Variants in ATP4A observed in about 807,000 individuals in gnomAD.
ATP4A encodes ATPase H+/K+ transporting subunit alpha, also known as potassium-transporting ATPase alpha chain 1.
A neutral mutation model predicts 112.1 loss-of-function variants in ATP4A; 73 were observed. That is an observed-to-expected ratio of 0.65 (90% CI 0.54 to 0.79). The LOEUF (loss-of-function observed/expected upper bound fraction) is 0.79. Ranked by LOEUF, ATP4A falls within the 30% of genes least tolerant of loss-of-function variation. The pLI is 0.00. For missense variants in ATP4A, 1,081 were observed against 1,425.9 expected, an observed-to-expected ratio of 0.76 and a Z score of 3.90; for synonymous variants, 588 against 588.9, an observed-to-expected ratio of 1.00 and a Z score of 0.02.
At position 35,550,698 on chromosome 19, in the gene ATP4A, G is replaced by A. The variant is rs2071596318; in HGVS notation, c.3080-55C>T. ...GTGCTGGGGGTGCCACTTAGGCAGGGCCAGGGGCTCAGAGGTCAGTGCTGG... is the reference window on the plus strand; with the variant it reads ...GTGCTGGGGGTGCCACTTAGGCAGGACCAGGGGCTCAGAGGTCAGTGCTGG... On this transcript the variant is annotated intron_variant, in intron 21 of 21. Transcript: ENST00000262623. This position sits in a 1 kb window ranked among gnomAD's most constrained non-coding sequence, Gnocchi z 4.1. 1 of 1,611,916 alleles carries A rather than the reference G, an allele frequency of 6.2e-7. No homozygotes were observed. Among genetic ancestry groups the A allele is most frequent in the Admixed American group, 1.7e-5 (1 of 60,002 alleles).
rs2071635755 is a variant in ATP4A at position 35,557,112 on chromosome 19, G to C, written c.1694-24C>G. 6.2e-7 allele frequency: 1 copy of C among 1,613,524 alleles called. No homozygotes were observed. The highest frequency in any genetic ancestry group is 1.3e-5 in the African/African-American group (1 of 74,920). ...GCCTGACCGGAAACGGGGAAGTCAG[G>C]GAAGAGCCCTGGGCACACCCTTTCT... is the stretch of plus-strand genomic sequence containing the variant. On this transcript the variant is annotated intron_variant, in intron 11 of 21. Transcript: ENST00000262623. This position sits in a 1 kb window ranked among gnomAD's most constrained non-coding sequence, Gnocchi z 4.4.
At position 35,562,592 on chromosome 19, in the gene ATP4A, G is replaced by A. The variant is rs1272642788; in HGVS notation, c.263C>T (p.Pro88Leu). The A allele has an allele frequency of 6.2e-7, 1 of 1,610,378 alleles. No individual in the cohort carries two copies. Among genetic ancestry groups the A allele is most frequent in the African/African-American group, 1.3e-5 (1 of 74,896 alleles). ...LAAELLLRDG[P>L]NALRPPRGTP... Reference sequence around the variant, plus strand: ...GCCCCGTGGTGGCCGCAGTGCGTTGGGCCCATCCCGCAGCAGCAGCTCAGC... The same window carrying A: ...GCCCCGTGGTGGCCGCAGTGCGTTGAGCCCATCCCGCAGCAGCAGCTCAGC... The change falls in exon 4 of 22, where the codon CCC (proline) becomes CTC (leucine). Residue 88 changes from proline (P) to leucine (L), a missense_variant. This residue lies in a region of ATP4A where 850 missense variants were observed against 1,068.2 expected (regional missense o/e 0.80). Transcript: ENST00000262623.
chr19:35,550,256 G>A lies in ATP4A; in HGVS notation c.*359C>T, dbSNP rs1475271457. 3.8e-5 allele frequency: 12 copies of A among 314,988 alleles called. No homozygotes were observed. In the East Asian group the frequency reaches 5.7e-4, roughly 15 times the overall value. The allele number at this position is 314,988 out of a possible 1,614,324, so 19.5% of individuals were successfully genotyped here. ...CCCAGGACACAAGCGTGTCTTTAACGAAGGGCCCTCAGGCAGCCGTCCAGC... is the reference window on the plus strand; with the variant it reads ...CCCAGGACACAAGCGTGTCTTTAACAAAGGGCCCTCAGGCAGCCGTCCAGC... On this transcript the variant is annotated 3_prime_UTR_variant, in exon 22 of 22. Coordinates refer to ENST00000262623, the MANE Select transcript of ATP4A (RefSeq NM_000704.3). This position sits in a 1 kb window ranked among gnomAD's most constrained non-coding sequence, Gnocchi z 4.1.
intron 16 of ATP4A, among the ~76,000 whole-genome samples, chr19:35,554,686 A>C (rs2071620140): frequency 6.6e-6 from 1 of 151,906 alleles, no homozygotes; most frequent in East Asian, 1.9e-4. Context: ...ATGTGTGTGC[A>C]TGGGTCGGCC....
intron 12 of ATP4A, among the ~76,000 whole-genome samples, chr19:35,556,376 G>C (rs2071631748): frequency 6.6e-6 from 1 of 152,242 alleles, no homozygotes; most frequent in Non-Finnish European, 1.5e-5. Flanking sequence ...CTTGGGCATT[G>C]CCTGCCTGGC....
intron 4 of ATP4A, among the ~76,000 whole-genome samples, chr19:35,561,355 G>C (rs1343678100): frequency 6.6e-6 from 1 of 151,596 alleles, no homozygotes; most frequent in Admixed American, 6.6e-5. Flanking sequence ...TTCACATCCT[G>C]GGTTTTCCAT....
chr19:35,555,342 C>G lies in ATP4A; in HGVS notation c.2158-8G>C. The stretch of plus-strand genomic sequence containing the variant: ...GACGGCCACAATCGCACCCTGCAGG[C>G]AGTGGGTGCAGGTGGTGGGTGGGTG... On this transcript the variant is annotated splice_polypyrimidine_tract_variant and splice_region_variant and intron_variant, in intron 14 of 21. Transcript: ENST00000262623. The surrounding 1 kb of genome is among the most constrained non-coding windows in gnomAD (Gnocchi z 6.6). 1 of 1,610,940 alleles carries G rather than the reference C, an allele frequency of 6.2e-7. No homozygotes were observed. The highest frequency in any genetic ancestry group is 8.5e-7 in the Non-Finnish European group (1 of 1,178,094).
At position 35,558,697 on chromosome 19, in the gene ATP4A, G is replaced by A; in HGVS notation, c.1256-11C>T. On this transcript the variant is annotated splice_polypyrimidine_tract_variant and intron_variant, in intron 8 of 21. Coordinates refer to ENST00000262623, the MANE Select transcript of ATP4A (RefSeq NM_000704.3). The surrounding 1 kb of genome is among the most constrained non-coding windows in gnomAD (Gnocchi z 5.1). ...GGTCAAACGTCTGCCCTGCAGACCA[G>A]GCGTCCAGGCTGGGTCCCGCACGGC... 1 of 1,579,440 alleles carries A rather than the reference G, an allele frequency of 6.3e-7. No homozygotes were observed. The highest frequency in any genetic ancestry group is 8.6e-7 in the Non-Finnish European group (1 of 1,165,256).
chr19:35,551,708 A>C lies in ATP4A; in HGVS notation c.2752-128T>G. On this transcript the variant is annotated intron_variant, in intron 18 of 21. Coordinates refer to ENST00000262623, the MANE Select transcript of ATP4A (RefSeq NM_000704.3). This position sits in a 1 kb window ranked among gnomAD's most constrained non-coding sequence, Gnocchi z 5.2. ...AAATGCTCTCTCTGCCTTGCATCAG[A>C]GTGTGGGGGTGGGGGGAAGGAGAGA... The C allele has an allele frequency of 1.7e-6, 2 of 1,148,778 alleles. No individual in the cohort carries two copies. The highest frequency in any genetic ancestry group is 5.7e-5 in the East Asian group (2 of 35,034). The allele number at this position is 1,148,778 out of a possible 1,614,324, so 71.2% of individuals were successfully genotyped here.
chr19:35,559,027 G>A lies in ATP4A; in HGVS notation c.1221C>T (p.His407=), dbSNP rs2071651226. ...MTVSHLWFDN[H]IHTADTTEDQ... ...CTTCCGTGGTGTCAGCTGTGTGGAT[G>A]TGGTTGTCAAACCACAGATGGGACA... The change falls in exon 8 of 22, where the codon CAC becomes CAT. Residue 407 remains histidine (H), a synonymous_variant. Transcript: ENST00000262623. The surrounding 1 kb of genome is among the most constrained non-coding windows in gnomAD (Gnocchi z 4.1). 1.2e-6 allele frequency: 2 copies of A among 1,614,102 alleles called. No individual in the cohort carries two copies. Among genetic ancestry groups the A allele is most frequent in the Non-Finnish European group, 1.7e-6 (2 of 1,180,044 alleles).
Position 35,554,103 on chromosome 19 carries a change from T to C in ATP4A, c.2482-274A>G, listed in dbSNP as rs947122425. Reference sequence around the variant, plus strand: ...TTCTCTGTTCCTCACTCTGTTTCTCTGTCCCTGTCTCCAGTGTAATTCTCT... The same window carrying C: ...TTCTCTGTTCCTCACTCTGTTTCTCCGTCCCTGTCTCCAGTGTAATTCTCT... On this transcript the variant is annotated intron_variant, in intron 16 of 21. Coordinates refer to ENST00000262623, the MANE Select transcript of ATP4A (RefSeq NM_000704.3). Among the ~76,000 whole-genome samples, 12 of 152,218 alleles carry C rather than the reference T, an allele frequency of 7.9e-5. No individual in the cohort carries two copies. The South Asian group carries it at 2.3e-3, about 29-fold the overall frequency.
rs1230047822 is a variant in ATP4A, at chr19:35,556,950, G to A, written c.1832C>T (p.Pro611Leu). Residue 611 changes from proline to leucine, a missense_variant, in exon 12 of 22, where the codon CCT (proline) becomes CTT (leucine). Physicochemically the swap from Pro to Leu is moderately conservative, Grantham distance 98. Transcript: ENST00000262623. ...SMIDPPRATV[P>L]DAVLKCRTAG... ...GGTGCGACACTTGAGCACAGCATCA[G>A]GGACGGTGGCCCGGGGTGGGTCAAT... 6.2e-7 allele frequency: 1 copy of A among 1,614,200 alleles called. No individual in the cohort carries two copies. The highest frequency in any genetic ancestry group is 8.5e-7 in the Non-Finnish European group (1 of 1,180,034).
chr19:35,557,101 G>C lies in ATP4A; in HGVS notation c.1694-13C>G. ...AGCTGGCAGAAGCCTGACCGGAAAC[G>C]GGGAAGTCAGGGAAGAGCCCTGGGC... is the stretch of plus-strand genomic sequence containing the variant. On this transcript the variant is annotated splice_polypyrimidine_tract_variant and intron_variant, in intron 11 of 21. Coordinates refer to ENST00000262623, the MANE Select transcript of ATP4A (RefSeq NM_000704.3). This position sits in a 1 kb window ranked among gnomAD's most constrained non-coding sequence, Gnocchi z 4.4. The C allele has an allele frequency of 6.2e-7, 1 of 1,613,976 alleles. No homozygotes were observed. The highest frequency in any genetic ancestry group is 8.5e-7 in the Non-Finnish European group (1 of 1,179,984).
chr19:35,558,387 G>A lies in ATP4A; in HGVS notation c.1475C>T (p.Pro492Leu), dbSNP rs1412238409. 6.2e-7 allele frequency: 1 copy of A among 1,611,832 alleles called. No homozygotes were observed. The highest frequency in any genetic ancestry group is 1.1e-5 in the South Asian group (1 of 90,598). Residue 492 changes from proline to leucine, a missense_variant, in exon 10 of 22, where the codon CCC (proline) becomes CTC (leucine). Transcript: ENST00000262623. This position sits in a 1 kb window ranked among gnomAD's most constrained non-coding sequence, Gnocchi z 5.1. Reference sequence around the variant, plus strand: ...CTGGAACTTGTTGGTGGAGTTGAAGGGTATCTCGCAGACTTTTGGGAAGCG... The same window carrying A: ...CTGGAACTTGTTGGTGGAGTTGAAGAGTATCTCGCAGACTTTTGGGAAGCG... ...RDRFPKVCEI[P>L]FNSTNKFQLS... is the part of the protein sequence containing the mutation.
Position 35,563,474 on chromosome 19 carries a change from C to A in ATP4A, c.66G>T (p.Met22Ile). 6.2e-7 allele frequency: 1 copy of A among 1,614,098 alleles called. No homozygotes were observed. The highest frequency in any genetic ancestry group is 1.6e-4 in the Middle Eastern group (1 of 6,062). ...TCTTCTTCTTGCTCATCTTGGCAGC[C>A]ATGTCCCCGCCAGGGCCAGGACCCA... ...VELGPGPGGD[M>I]AAKMSKKKKA... Residue 22 changes from methionine (M) to isoleucine (I), a missense_variant, in exon 2 of 22, where the codon ATG (methionine) becomes ATT (isoleucine). By Grantham distance (10) the Met-to-Ile change is conservative. Around this residue, in one of 3 missense-constraint regions of ATP4A, gnomAD observed 850 missense variants for 1,068.2 expected, o/e 0.80. Transcript: ENST00000262623.
Position 35,558,919 on chromosome 19 carries a change from C to A in ATP4A, c.1255+74G>T, listed in dbSNP as rs2071650352. On this transcript the variant is annotated intron_variant, in intron 8 of 21. Coordinates refer to ENST00000262623, the MANE Select transcript of ATP4A (RefSeq NM_000704.3). This position sits in a 1 kb window ranked among gnomAD's most constrained non-coding sequence, Gnocchi z 5.1. ...CCGCCTTCGTACAAAGCCCTCCCTA[C>A]CTCCCTATCCCTCTTCAGGTCTCCA... 3 of 1,564,730 alleles carry A rather than the reference C, an allele frequency of 1.9e-6. No homozygotes were observed. Among genetic ancestry groups the A allele is most frequent in the Non-Finnish European group, 2.6e-6 (3 of 1,142,052 alleles).
chr19:35,563,188 C>T (rs767547437), intron 3 of ATP4A, 21 bp downstream of exon 3: 63 of 1,612,872 alleles, frequency 3.9e-5, no homozygotes, highest in Non-Finnish European at 4.6e-5. Context: ...CCTTTCTGTA[C>T]GCTCCCAGTC....
In ATP4A at chr19:35,563,599, AC is replaced by A; in HGVS notation, c.12+18del. On this transcript the variant is annotated intron_variant, in intron 1 of 21. Transcript: ENST00000262623. ...AACCCCTGTCCCCACTGCACCCCGG[AC>A]CCCTGGGCCCCACTCACGGCCTTCC... 1 of 1,612,598 alleles carries A rather than the reference AC, an allele frequency of 6.2e-7. No homozygotes were observed. The highest frequency in any genetic ancestry group is 8.5e-7 in the Non-Finnish European group (1 of 1,179,698).
chr19:35,556,153 G>A (rs2071630411), intron 12 of ATP4A, among the ~76,000 whole-genome samples: 1 of 152,208 alleles, frequency 6.6e-6, no homozygotes, highest in Non-Finnish European at 1.5e-5. Context: ...AGAGGTGAGA[G>A]AGTCAGCCAC....
Sources: gnomAD v4.1 joint callset for allele counts (sites outside exome capture counted in the v4.1 genomes callset) on GRCh38, gnomAD v4.1.1 for gene constraint, gnomAD v4.1.1 regional missense constraint, Gnocchi (gnomAD v3.1) non-coding constraint, MANE v1.5 for transcripts, NCBI Gene and HGNC (gene_info 2026-07-23, HGNC 2026-07-21) for gene names.